CD244: variants seen among roughly 807,000 people sequenced by gnomAD.
CD244 encodes the protein CD244 molecule, also known as natural killer cell receptor 2B4.
A neutral mutation model predicts 45.5 loss-of-function variants in CD244; 20 were observed. The observed-to-expected ratio is 0.44, with a 90% confidence interval of 0.31 to 0.64. The LOEUF (loss-of-function observed/expected upper bound fraction) is 0.64. CD244 is among the 30% of genes least tolerant of loss of function. CD244 has a pLI of 0.08. For missense variants in CD244, 407 were observed against 426.9 expected, an observed-to-expected ratio of 0.95 and a Z score of 0.41; for synonymous variants, 185 against 160.5, an observed-to-expected ratio of 1.15 and a Z score of -1.15.
At chr1:160,854,072 G>A (rs184790750) in intron 1 of CD244, among the ~76,000 whole-genome samples, 7 of 152,198 alleles carry the variant, frequency 4.6e-5, no homozygotes, top group Non-Finnish European at 7.3e-5. Context: ...CAAAACACAC[G>A]TGTGGCTTAT....
chr1:160,837,466 C>T (rs1415636623), intron 5 of CD244, among the ~76,000 whole-genome samples: 1 of 152,066 alleles, frequency 6.6e-6, no homozygotes, highest in Admixed American at 6.5e-5. Context: ...TTCCCATAGC[C>T]ACTGCTGGGG....
At chr1:160,840,848 G>A (rs1329787886) in intron 3 of CD244, among the ~76,000 whole-genome samples, 1 of 152,160 alleles carries the variant, frequency 6.6e-6, no homozygotes. Flanking sequence ...GAACTATGTG[G>A]CTTGGAGAAA....
chr1:160,842,972 G>A (rs570770414), intron 1 of CD244, among the ~76,000 whole-genome samples: 4 of 152,270 alleles, frequency 2.6e-5, no homozygotes, highest in South Asian at 2.1e-4. Context: ...GGCTCAGGGA[G>A]GATTTGGAAG....
intron 1 of CD244, among the ~76,000 whole-genome samples, chr1:160,844,630 A>C (rs539771): frequency 0.085 from 12,884 of 152,260 alleles, 809 homozygotes; most frequent in South Asian, 0.23. Context: ...GCTGGAGAAT[A>C]AGATATCACA....
chr1:160,831,468 A>C, intron 8 of CD244, 41 bp from the exon 9 acceptor site: 1 of 1,384,890 alleles, frequency 7.2e-7, no homozygotes. Context: ...TTGCACTGGG[A>C]GGTCCTTATC....
intron 7 of CD244, chr1:160,832,840 T>G: frequency 2.2e-6 from 1 of 457,994 alleles, no homozygotes; most frequent in Non-Finnish European, 4.2e-6. Flanking sequence ...CACATACACC[T>G]AAAACCCATA....
chr1:160,840,549 C>T (rs1669502063), intron 3 of CD244, among the ~76,000 whole-genome samples: 1 of 152,190 alleles, frequency 6.6e-6, no homozygotes, highest in Admixed American at 6.5e-5. Flanking sequence ...GGAGCCACTG[C>T]GCCCGGCCTG....
chr1:160,852,239 C>G (rs1329045711), intron 1 of CD244, among the ~76,000 whole-genome samples: 1 of 152,194 alleles, frequency 6.6e-6, no homozygotes, highest in African/African-American at 2.4e-5. Context: ...CACATTCCCA[C>G]CAAAATAGCT....
intron 1 of CD244, among the ~76,000 whole-genome samples, chr1:160,859,479 A>G (rs1315832911): frequency 6.6e-6 from 1 of 152,242 alleles, no homozygotes; most frequent in Non-Finnish European, 1.5e-5. Context: ...TTTCACTGTC[A>G]TCATATGACT....
intron 1 of CD244, among the ~76,000 whole-genome samples, chr1:160,851,208 C>T (rs1669907904): frequency 6.6e-6 from 1 of 152,158 alleles, no homozygotes; most frequent in East Asian, 1.9e-4. Context: ...AACCTTCAAT[C>T]CCTCTCCTTT....
intron 5 of CD244, among the ~76,000 whole-genome samples, chr1:160,836,548 C>A (rs1303902851): frequency 6.6e-6 from 1 of 152,200 alleles, no homozygotes; most frequent in Non-Finnish European, 1.5e-5. Context: ...AGAAACCCTT[C>A]CTTGCAGAGC....
chr1:160,841,099 T>A (rs1471925783), intron 3 of CD244, 111 bp downstream of exon 3: 3 of 1,062,120 alleles, frequency 2.8e-6, no homozygotes, highest in Admixed American at 4.1e-5. Flanking sequence ...TACAAGGCAC[T>A]GGGAGAGGAG....
At chr1:160,850,487 G>A (rs1248932852) in intron 1 of CD244, among the ~76,000 whole-genome samples, 1 of 152,140 alleles carries the variant, frequency 6.6e-6, no homozygotes, top group Non-Finnish European at 1.5e-5. Context: ...AAACTTATAT[G>A]AAAATGTAAA....
chr1:160,831,392 A>G lies in CD244; in HGVS notation c.1053T>C (p.Ala351=). The G allele has an allele frequency of 1.2e-6, 2 of 1,614,186 alleles. No homozygotes were observed. Among genetic ancestry groups the G allele is most frequent in the Non-Finnish European group, 1.7e-6 (2 of 1,179,992 alleles). ...GKSQPKAQNP[A]RLSRKELENF... ...TCTCCAGCTCTTTGCGGCTCAATCG[A>G]GCAGGGTTCTGGGCTTTAGGTTGAC... The change falls in exon 9 of 9, where the codon GCT becomes GCC. Residue 351 remains alanine, a synonymous_variant. Coordinates refer to ENST00000368034, the MANE Select transcript of CD244 (RefSeq NM_016382.4).
At chr1:160,844,429 AC>A (rs1339499282) in intron 1 of CD244, among the ~76,000 whole-genome samples, 6 of 152,256 alleles carry the variant, frequency 3.9e-5, no homozygotes, top group African/African-American at 1.4e-4. Flanking sequence ...ATGTGACTTT[AC>A]AGCTCCTTCT....
At chr1:160,832,015 C>G (rs887543172) in intron 8 of CD244, among the ~76,000 whole-genome samples, 2 of 152,176 alleles carry the variant, frequency 1.3e-5, no homozygotes, top group Non-Finnish European at 2.9e-5. Flanking sequence ...TGTTGAGTCC[C>G]TCCTTTCCAG....
rs946968635 is a variant in CD244 at position 160,852,753 on chromosome 1, T to G, written c.61+9864A>C. Reference sequence around the variant, plus strand: ...ACAAGAAAATCTGGGCCAGGCATGGTGGCTCATGCCTGTAATCCCAGCACT... The same window carrying G: ...ACAAGAAAATCTGGGCCAGGCATGGGGGCTCATGCCTGTAATCCCAGCACT... On this transcript the variant is annotated intron_variant, in intron 1 of 8. Transcript: ENST00000368034. 2.0e-5 allele frequency among the ~76,000 whole-genome samples: 3 copies of G among 151,158 alleles called. 1 individual carries two copies. Among genetic ancestry groups the G allele is most frequent in the African/African-American group, 7.3e-5 (3 of 41,110 alleles).
intron 1 of CD244, among the ~76,000 whole-genome samples, chr1:160,846,526 C>T (rs1027520972): frequency 6.6e-6 from 1 of 151,980 alleles, no homozygotes; most frequent in Non-Finnish European, 1.5e-5. Flanking sequence ...GTTAGCTGAG[C>T]GTGGTGGCAC....
chr1:160,832,960 CATA>C (rs1557829505), intron 7 of CD244, among the ~76,000 whole-genome samples: 10 of 26,612 alleles, frequency 3.8e-4, no homozygotes, highest in African/African-American at 1.2e-3. Flanking sequence ...CACACATACA[CATA>C]CACATACACA....
Sources: gnomAD v4.1 joint callset for allele counts (sites outside exome capture counted in the v4.1 genomes callset) on GRCh38, gnomAD v4.1.1 for gene constraint, MANE v1.5 for transcripts, NCBI Gene and HGNC (gene_info 2026-07-23, HGNC 2026-07-21) for gene names.